Variants in DLGAP1 observed in about 807,000 individuals in gnomAD.
DLGAP1 encodes DLG associated protein 1, also known as disks large-associated protein 1.
Under a neutral mutation model 90.8 loss-of-function variants are expected in DLGAP1, and 11 were observed. The observed-to-expected ratio is 0.12, with a 90% confidence interval of 0.08 to 0.20. DLGAP1 has a LOEUF of 0.20. DLGAP1 is among the 10% of genes least tolerant of loss of function. The pLI is 1.00. For missense variants in DLGAP1, 1,050 were observed against 1,333.8 expected, an observed-to-expected ratio of 0.79 and a Z score of 3.31; for synonymous variants, 558 against 540.7, an observed-to-expected ratio of 1.03 and a Z score of -0.44.
intron 8 of DLGAP1, among the ~76,000 whole-genome samples, chr18:3,579,367 C>G (rs887329696): frequency 2.0e-5 from 3 of 152,192 alleles, no homozygotes; most frequent in Admixed American, 6.5e-5. Flanking sequence ...TGCGCCACCA[C>G]CCCCAGCTAA....
At chr18:3,766,544 AACATAT>A (rs1238775301) in intron 5 of DLGAP1, among the ~76,000 whole-genome samples, 3 of 152,168 alleles carry the variant, frequency 2.0e-5, no homozygotes, top group African/African-American at 7.2e-5. Flanking sequence ...GTGCCCATGG[AACATAT>A]ACCAAAATAG....
intron 3 of DLGAP1, among the ~76,000 whole-genome samples, chr18:3,956,375 A>G (rs1009963047): frequency 6.6e-6 from 1 of 151,888 alleles, no homozygotes; most frequent in Non-Finnish European, 1.5e-5. Context: ...TTTGAGACGG[A>G]GTCTCGCTCT....
At chr18:3,757,627 A>G (rs2063770648) in intron 5 of DLGAP1, among the ~76,000 whole-genome samples, 1 of 152,232 alleles carries the variant, frequency 6.6e-6, no homozygotes, top group Non-Finnish European at 1.5e-5. Context: ...CATATTAAGG[A>G]AACAAAGGAC....
chr18:3,714,957 C>G (rs1598434282), intron 7 of DLGAP1, among the ~76,000 whole-genome samples: 1 of 152,084 alleles, frequency 6.6e-6, no homozygotes, highest in African/African-American at 2.4e-5. Flanking sequence ...ATTCCGCAGA[C>G]AACACTGCAG....
chr18:4,238,577 A>G (rs2078466297), intron 1 of DLGAP1, among the ~76,000 whole-genome samples: 2 of 152,200 alleles, frequency 1.3e-5, no homozygotes, highest in African/African-American at 4.8e-5. Flanking sequence ...GATTTTTGGT[A>G]TCCTTCCTTC....
At chr18:3,587,921 T>C (rs1568250419) in intron 7 of DLGAP1, among the ~76,000 whole-genome samples, 1 of 152,262 alleles carries the variant, frequency 6.6e-6, no homozygotes, top group Non-Finnish European at 1.5e-5. Flanking sequence ...ATTTTTAAAA[T>C]GTAAGTGGAA....
intron 1 of DLGAP1, among the ~76,000 whole-genome samples, chr18:4,303,315 G>A (rs746450741): frequency 4.0e-5 from 6 of 151,826 alleles, no homozygotes; most frequent in Non-Finnish European, 7.4e-5. Flanking sequence ...GGTTAATGTG[G>A]AGAAAGAAAA....
At chr18:4,202,114 T>G (rs2077619418) in intron 1 of DLGAP1, among the ~76,000 whole-genome samples, 1 of 151,988 alleles carries the variant, frequency 6.6e-6, no homozygotes, top group Admixed American at 6.6e-5. Context: ...AACTGTGGTG[T>G]GTGCGTGTGT....
At position 3,967,538 on chromosome 18, in the gene DLGAP1, G is replaced by A. The variant is rs371246541; in HGVS notation, c.-73+37578C>T. Among the ~76,000 whole-genome samples, 259 of 152,338 alleles carry A rather than the reference G, an allele frequency of 1.7e-3. 6 individuals are homozygous for A. The South Asian group carries it at 0.027, about 16-fold the overall frequency. On this transcript the variant is annotated intron_variant, in intron 3 of 12. Coordinates refer to ENST00000315677, the MANE Select transcript of DLGAP1 (RefSeq NM_004746.4). The stretch of plus-strand genomic sequence containing the variant: ...ACCTGAGTTTTAACAATCCCTGCAG[G>A]TGACTGATGCCGGCTGAAATTTGAG...
intron 1 of DLGAP1, among the ~76,000 whole-genome samples, chr18:4,407,151 T>A (rs559365876): frequency 6.6e-6 from 1 of 152,080 alleles, no homozygotes; most frequent in South Asian, 2.1e-4. Flanking sequence ...ACTTTAGCAA[T>A]GCAAATTTTA....
rs184929080 is a variant in DLGAP1 at position 3,881,692 on chromosome 18, T to A, written c.-72-1552A>T. Among the ~76,000 whole-genome samples the A allele has an allele frequency of 4.3e-4, 65 of 152,258 alleles. No homozygotes were observed. In the East Asian group the frequency reaches 0.011, roughly 26 times the overall value. ...ACTTTGGGAGGCCGAGGCAGGTGGATCACGAGGTCAGGAGATCGAGACCAT... is the reference window on the plus strand; with the variant it reads ...ACTTTGGGAGGCCGAGGCAGGTGGAACACGAGGTCAGGAGATCGAGACCAT... On this transcript the variant is annotated intron_variant, in intron 3 of 12. Coordinates refer to ENST00000315677, the MANE Select transcript of DLGAP1 (RefSeq NM_004746.4).
intron 1 of DLGAP1, among the ~76,000 whole-genome samples, chr18:4,338,059 A>G (rs1248160141): frequency 6.6e-6 from 1 of 152,200 alleles, no homozygotes; most frequent in African/African-American, 2.4e-5. Flanking sequence ...GATGTTGAGT[A>G]GAAACTAATC....
chr18:4,404,163 TTTG>T (rs1432896860), intron 1 of DLGAP1, among the ~76,000 whole-genome samples: 2 of 152,154 alleles, frequency 1.3e-5, no homozygotes, highest in Admixed American at 1.3e-4. Flanking sequence ...TATCCAACAG[TTTG>T]TTGTTTTTAT....
intron 3 of DLGAP1, among the ~76,000 whole-genome samples, chr18:3,897,769 G>A (rs1212191853): frequency 4.1e-5 from 6 of 146,750 alleles, no homozygotes; most frequent in Non-Finnish European, 7.5e-5. Flanking sequence ...GAAGTGTTTC[G>A]AATTTCTGAT....
intron 7 of DLGAP1, among the ~76,000 whole-genome samples, chr18:3,587,355 A>G (rs986938570): frequency 1.2e-4 from 18 of 152,096 alleles, no homozygotes; most frequent in East Asian, 3.9e-4. Flanking sequence ...GCTCCCTGCA[A>G]GAATTGAGAG....
At position 3,835,275 on chromosome 18, in the gene DLGAP1, A is replaced by C. The variant is rs75789432; in HGVS notation, c.958-21002T>G. Reference sequence around the variant, plus strand: ...TTAAAAAAATACCCTTTGGAGAAAGAAGCAGAACACTAATGCCATATTTAC... The same window carrying C: ...TTAAAAAAATACCCTTTGGAGAAAGCAGCAGAACACTAATGCCATATTTAC... On this transcript the variant is annotated intron_variant, in intron 4 of 12. Transcript: ENST00000315677. Among the ~76,000 whole-genome samples, 1,447 of 152,322 alleles carry C rather than the reference A, an allele frequency of 9.5e-3. 58 individuals carry two copies. Among genetic ancestry groups the C allele is most frequent in the East Asian group, 0.069 (360 of 5,188 alleles).
intron 2 of DLGAP1, among the ~76,000 whole-genome samples, chr18:4,040,201 C>T (rs1158247830): frequency 6.6e-6 from 1 of 152,166 alleles, no homozygotes; most frequent in Non-Finnish European, 1.5e-5. Context: ...TCCTTAGCTT[C>T]TTTTTGCTTT....
At chr18:4,413,159 C>G (rs1189284557) in intron 1 of DLGAP1, among the ~76,000 whole-genome samples, 3 of 152,034 alleles carry the variant, frequency 2.0e-5, no homozygotes, top group African/African-American at 7.2e-5. Flanking sequence ...TCTAGACAAA[C>G]AGAGATGCTA....
chr18:3,711,445 A>T lies in DLGAP1; in HGVS notation c.1591+17690T>A, dbSNP rs1392838915. Among the ~76,000 whole-genome samples, 1 of 152,248 alleles carries T rather than the reference A, an allele frequency of 6.6e-6. No homozygotes were observed. The highest frequency in any genetic ancestry group is 1.5e-5 in the Non-Finnish European group (1 of 68,038). ...AAAATAGAATGTAAAACAAAAAATA[A>T]AAATACCCACCTAGGTGAGACAACT... On this transcript the variant is annotated intron_variant, in intron 7 of 12. Coordinates refer to ENST00000315677, the MANE Select transcript of DLGAP1 (RefSeq NM_004746.4). The surrounding 1 kb of genome is among the most constrained non-coding windows in gnomAD (Gnocchi z 4.0).
Sources: allele counts gnomAD v4.1 joint callset (sites outside exome capture counted in the v4.1 genomes callset), GRCh38; gene constraint gnomAD v4.1.1; non-coding constraint Gnocchi (gnomAD v3.1); transcripts MANE v1.5; gene names NCBI Gene and HGNC (gene_info 2026-07-23, HGNC 2026-07-21).